Variants in IBTK observed in about 807,000 individuals in gnomAD.
IBTK encodes the protein BTK-binding protein.
IBTK carries 83 observed loss-of-function variants against 154.9 expected under a neutral mutation model. The observed-to-expected ratio is 0.54, with a 90% CI of 0.45 to 0.64. The LOEUF is 0.64. Ranked by LOEUF, IBTK falls within the 30% of genes least tolerant of loss-of-function variation. The pLI is 0.00. For synonymous variants in IBTK, 515 were observed against 536.1 expected (o/e 0.96, Z 0.54); for missense variants, 1,332 against 1,584.6 (o/e 0.84, Z 2.71).
At chr6:82,172,241 G>T in intron 28 of IBTK, 139 bp downstream of exon 28, 1 of 744,608 alleles carries the variant, frequency 1.3e-6, no homozygotes, top group Non-Finnish European at 2.1e-6. Context: ...AGATGCCTCA[G>T]TTTAATTTTA....
intron 25 of IBTK, among the ~76,000 whole-genome samples, chr6:82,187,826 T>C (rs749345039): frequency 4.6e-5 from 7 of 152,290 alleles, no homozygotes; most frequent in Non-Finnish European, 8.8e-5. Flanking sequence ...TCCTTTACTC[T>C]GGCAGAAGGA....
Position 82,240,153 on chromosome 6 carries a change from A to C in IBTK, c.321+13T>G, listed in dbSNP as rs768282929. On this transcript the variant is annotated intron_variant, in intron 2 of 28. Coordinates refer to ENST00000306270, the MANE Select transcript of IBTK (RefSeq NM_015525.4). The stretch of plus-strand genomic sequence containing the variant: ...CAGACTAAATACGTTTAAAATAAAC[A>C]AATGACAATTACCTTCAATAGAGAC... 8.8e-6 allele frequency: 14 copies of C among 1,591,326 alleles called. No individual in the cohort carries two copies. The East Asian group carries it at 3.1e-4, about 36-fold the overall frequency.
rs1162549391 is a variant in IBTK, at chr6:82,240,836, A to G, written c.-350T>C. The G allele has an allele frequency of 4.9e-6, 2 of 412,146 alleles. No individual in the cohort carries two copies. The highest frequency in any genetic ancestry group is 8.5e-6 in the Non-Finnish European group (2 of 234,640). The allele number at this position is 412,146 out of a possible 1,614,324, so 25.5% of individuals were successfully genotyped here. A position where few individuals can be genotyped will look rare whatever the true frequency, so the allele number is the denominator to read the frequency against. On this transcript the variant is annotated 5_prime_UTR_variant, in exon 2 of 29. Transcript: ENST00000306270. ...ACCCTTTTAAATATCCATAATTGCA[A>G]GGGTGACCTATAAGAGAAAGAGAAG...
chr6:82,242,219 A>C (rs1033606932), intron 1 of IBTK, among the ~76,000 whole-genome samples: 3 of 152,106 alleles, frequency 2.0e-5, no homozygotes, highest in Non-Finnish European at 2.9e-5. Context: ...AAAATACAAA[A>C]TTAGCCAGGC....
At chr6:82,228,075 C>A (rs1363538038) in intron 4 of IBTK, among the ~76,000 whole-genome samples, 1 of 151,954 alleles carries the variant, frequency 6.6e-6, no homozygotes, top group Admixed American at 6.6e-5. Flanking sequence ...TAACCCTGGG[C>A]CACATTTTGC....
intron 23 of IBTK, among the ~76,000 whole-genome samples, chr6:82,193,666 T>C (rs1768867891): frequency 6.6e-6 from 1 of 152,142 alleles, no homozygotes; most frequent in African/African-American, 2.4e-5. Flanking sequence ...TAATTACATC[T>C]GCTACTCATT....
At chr6:82,219,365 T>C (rs888282055) in intron 9 of IBTK, among the ~76,000 whole-genome samples, 1 of 152,314 alleles carries the variant, frequency 6.6e-6, no homozygotes, top group Admixed American at 6.5e-5. Context: ...TGTGGAGCTT[T>C]ATGATTAATT....
intron 26 of IBTK, among the ~76,000 whole-genome samples, chr6:82,174,571 G>C (rs1768042357): frequency 1.3e-5 from 2 of 151,878 alleles, no homozygotes; most frequent in South Asian, 4.2e-4. Flanking sequence ...CTGAATTCAG[G>C]GTAAGGAAGA....
chr6:82,233,804 C>T (rs1294698585), intron 3 of IBTK, among the ~76,000 whole-genome samples: 1 of 150,552 alleles, frequency 6.6e-6, no homozygotes, highest in Non-Finnish European at 1.5e-5. Flanking sequence ...ACCTCCACCT[C>T]CCAGGTTCAA....
intron 21 of IBTK, among the ~76,000 whole-genome samples, chr6:82,196,947 G>A (rs1769010799): frequency 6.6e-6 from 1 of 152,186 alleles, no homozygotes; most frequent in South Asian, 2.1e-4. Flanking sequence ...GGCTCCCGCA[G>A]AAGACAACTG....
chr6:82,222,026 G>C (rs1007583733), intron 8 of IBTK, among the ~76,000 whole-genome samples: 2 of 152,062 alleles, frequency 1.3e-5, no homozygotes, highest in Non-Finnish European at 2.9e-5. Flanking sequence ...AAATTAGCTG[G>C]GCATGATGGC....
chr6:82,233,082 G>A (rs958547472), intron 3 of IBTK, among the ~76,000 whole-genome samples: 7 of 151,780 alleles, frequency 4.6e-5, no homozygotes, highest in African/African-American at 1.5e-4. Context: ...GCTTGAACCC[G>A]GGAGGCGGAG....
chr6:82,224,674 A>G (rs899972536), intron 6 of IBTK, among the ~76,000 whole-genome samples: 16 of 152,192 alleles, frequency 1.1e-4, no homozygotes, highest in Admixed American at 1.0e-3. Flanking sequence ...AGAATAAAGA[A>G]TACTGGTTTT....
chr6:82,217,599 A>G (rs1769918752), intron 10 of IBTK, among the ~76,000 whole-genome samples: 1 of 152,230 alleles, frequency 6.6e-6, no homozygotes, highest in Admixed American at 6.5e-5. Flanking sequence ...TAAATTTTAC[A>G]AAAGTCATTT....
At chr6:82,237,813 T>C (rs992159292) in intron 2 of IBTK, among the ~76,000 whole-genome samples, 4 of 152,074 alleles carry the variant, frequency 2.6e-5, no homozygotes, top group African/African-American at 9.7e-5. Flanking sequence ...ACTACAGAAA[T>C]ATTTTTTAAG....
intron 25 of IBTK, among the ~76,000 whole-genome samples, chr6:82,182,715 G>A (rs1415859063): frequency 2.0e-5 from 3 of 152,080 alleles, no homozygotes; most frequent in Admixed American, 6.6e-5. Flanking sequence ...ATAAACAGCT[G>A]AAAACCAAAG....
chr6:82,212,001 T>TA (rs1769667190), intron 13 of IBTK, among the ~76,000 whole-genome samples: 1 of 151,958 alleles, frequency 6.6e-6, no homozygotes, highest in Admixed American at 6.6e-5. Flanking sequence ...AAACAAAACT[T>TA]TTTTTTTCTT....
intron 16 of IBTK, chr6:82,210,526 C>G (rs1769595022): frequency 6.4e-6 from 1 of 156,378 alleles, no homozygotes; most frequent in South Asian, 2.0e-4. Flanking sequence ...ATTGCTTATT[C>G]TAAATTAAGC....
intron 4 of IBTK, among the ~76,000 whole-genome samples, chr6:82,228,493 TAAGA>T (rs985461770): frequency 7.2e-5 from 11 of 152,152 alleles, no homozygotes; most frequent in East Asian, 1.9e-4. Flanking sequence ...TTTTATGAAA[TAAGA>T]AAGAATACAT....
Sources: allele counts gnomAD v4.1 joint callset (sites outside exome capture counted in the v4.1 genomes callset), GRCh38; gene constraint gnomAD v4.1.1; transcripts MANE v1.5; gene names NCBI Gene and HGNC (gene_info 2026-07-23, HGNC 2026-07-21).